The following COG6 variants were observed in gnomAD, a reference collection of about 807,000 sequenced individuals.
The protein encoded by COG6 is component of oligomeric golgi complex 6.
Under a neutral mutation model 88.8 loss-of-function variants are expected in COG6, and 74 were observed. The ratio of observed to expected loss-of-function variants is 0.83; its 90% CI spans 0.69 to 1.01. The LOEUF (loss-of-function observed/expected upper bound fraction) is 1.01. COG6 is among the 50% of genes least tolerant of loss of function. The pLI is 0.00. For missense variants in COG6, 800 were observed against 797.9 expected (o/e 1.00, Z -0.03); for synonymous variants, 286 against 278.7 (o/e 1.03, Z -0.26).
chr13:39,703,872 G>A (rs1877727025), intron 13 of COG6, among the ~76,000 whole-genome samples: 1 of 151,720 alleles, frequency 6.6e-6, no homozygotes, highest in African/African-American at 2.4e-5. Flanking sequence ...GACTATAGGT[G>A]CATGCCACCA....
intron 4 of COG6, among the ~76,000 whole-genome samples, chr13:39,674,247 A>G (rs1429914012): frequency 7.6e-6 from 1 of 130,794 alleles, no homozygotes; most frequent in Admixed American, 8.8e-5. Context: ...GTATCACACC[A>G]TTTAATTTAC....
At chr13:39,723,567 T>G in intron 16 of COG6, 127 bp downstream of exon 16, 1 of 675,690 alleles carries the variant, frequency 1.5e-6, no homozygotes. Flanking sequence ...AGTGACTTAT[T>G]TTTCTGTATC....
chr13:39,688,278 A>T (rs1876783042), intron 10 of COG6, among the ~76,000 whole-genome samples: 1 of 152,110 alleles, frequency 6.6e-6, no homozygotes, highest in Admixed American at 6.6e-5. Flanking sequence ...GACAATTATC[A>T]TATCTGTTAG....
At chr13:39,677,764 G>C (rs536157936) in intron 5 of COG6, among the ~76,000 whole-genome samples, 185 bp downstream of exon 5, 1 of 152,050 alleles carries the variant, frequency 6.6e-6, no homozygotes. Context: ...TTTTTAAAAA[G>C]AGTCAAAGTT....
chr13:39,673,797 A>C (rs1162722901), intron 4 of COG6, among the ~76,000 whole-genome samples: 1 of 151,884 alleles, frequency 6.6e-6, no homozygotes, highest in Non-Finnish European at 1.5e-5. Flanking sequence ...TTCCAGAGTG[A>C]GTATGTGTGT....
chr13:39,758,339 C>T (rs1880911581), intron 18 of COG6, among the ~76,000 whole-genome samples: 1 of 151,454 alleles, frequency 6.6e-6, no homozygotes, highest in Non-Finnish European at 1.5e-5. Flanking sequence ...AGAAACATAG[C>T]AAGACCCCAT....
intron 13 of COG6, among the ~76,000 whole-genome samples, chr13:39,717,409 T>C (rs1288437391): frequency 6.6e-6 from 1 of 152,182 alleles, no homozygotes; most frequent in Non-Finnish European, 1.5e-5. Flanking sequence ...CTTTTTTTCT[T>C]TGTTCTTTCC....
chr13:39,661,860 T>C (rs1168348262), intron 3 of COG6, among the ~76,000 whole-genome samples: 1 of 151,630 alleles, frequency 6.6e-6, no homozygotes, highest in African/African-American at 2.4e-5. Flanking sequence ...TTCCATGACG[T>C]AATGCCTTTT....
intron 8 of COG6, among the ~76,000 whole-genome samples, chr13:39,686,838 C>T (rs1459411764): frequency 2.0e-5 from 3 of 151,974 alleles, no homozygotes; most frequent in Non-Finnish European, 4.4e-5. Flanking sequence ...CAAGTGATCC[C>T]CCTACCTCAG....
intron 12 of COG6, among the ~76,000 whole-genome samples, chr13:39,698,397 T>C (rs1194310890): frequency 6.6e-6 from 1 of 152,014 alleles, no homozygotes; most frequent in Non-Finnish European, 1.5e-5. Flanking sequence ...ATACTTATTG[T>C]TTCTTTAAAA....
chr13:39,787,662 G>C (rs1881816651), intron 18 of COG6, among the ~76,000 whole-genome samples: 1 of 152,074 alleles, frequency 6.6e-6, no homozygotes, highest in Non-Finnish European at 1.5e-5. Flanking sequence ...CACACAATCA[G>C]TTCTCTATTT....
At chr13:39,656,861 GTTAT>G (rs1307993103) in intron 1 of COG6, 1 of 455,980 alleles carries the variant, frequency 2.2e-6, no homozygotes, top group East Asian at 7.0e-5. Flanking sequence ...TCTCATGGTT[GTTAT>G]TTGAGGACTC....
intron 18 of COG6, among the ~76,000 whole-genome samples, chr13:39,733,123 C>T (rs9548904): frequency 0.26 from 39,172 of 149,724 alleles, 5,099 homozygotes; most frequent in African/African-American, 0.27. Context: ...TTGAAATAAA[C>T]GAAAGTAGAG....
chr13:39,781,452 T>G (rs1301219976), intron 18 of COG6, among the ~76,000 whole-genome samples: 1 of 151,944 alleles, frequency 6.6e-6, no homozygotes, highest in East Asian at 1.9e-4. Flanking sequence ...TTTTTTTTTT[T>G]TTTTTAGTAT....
intron 18 of COG6, among the ~76,000 whole-genome samples, chr13:39,749,424 T>G (rs1880508299): frequency 6.6e-6 from 1 of 152,256 alleles, no homozygotes; most frequent in South Asian, 2.1e-4. Flanking sequence ...AAGTACATTT[T>G]GGAAATTGGG....
intron 13 of COG6, among the ~76,000 whole-genome samples, chr13:39,705,195 A>G (rs7337734): frequency 0.063 from 9,618 of 152,290 alleles, 392 homozygotes; most frequent in Non-Finnish European, 0.094. Flanking sequence ...AGTGAATAGT[A>G]TAATTGTTGG....
chr13:39,666,700 G>T (rs1045897122), intron 4 of COG6, among the ~76,000 whole-genome samples: 1 of 152,098 alleles, frequency 6.6e-6, no homozygotes, highest in African/African-American at 2.4e-5. Context: ...TGTGTAAAAG[G>T]ATATCATGGG....
rs770383485 is a variant in COG6 at position 39,677,491 on chromosome 13, A to T, written c.452A>T (p.Gln151Leu). ...SESQKLEIRA[Q>L]VADAFLSKFQ... is the part of the protein sequence containing the mutation. ...AGCCAAAAATTAGAGATAAGAGCTC[A>T]AGTTGCAGATGCCTTCTTATCCAAG... The change falls in exon 5 of 19, where the codon CAA (glutamine) becomes CTA (leucine). Residue 151 changes from glutamine to leucine, a missense_variant. Coordinates refer to ENST00000455146, the MANE Select transcript of COG6 (RefSeq NM_020751.3). 1 of 1,612,132 alleles carries T rather than the reference A, an allele frequency of 6.2e-7. No individual in the cohort carries two copies. The highest frequency in any genetic ancestry group is 1.7e-5 in the Admixed American group (1 of 59,958).
intron 15 of COG6, among the ~76,000 whole-genome samples, chr13:39,722,218 T>C (rs1352567381): frequency 6.6e-6 from 1 of 152,048 alleles, no homozygotes; most frequent in Non-Finnish European, 1.5e-5. Flanking sequence ...TTCACCTTCA[T>C]TGAGTGTTTA....
Sources: allele counts gnomAD v4.1 joint callset (sites outside exome capture counted in the v4.1 genomes callset), GRCh38; gene constraint gnomAD v4.1.1; transcripts MANE v1.5; gene names NCBI Gene and HGNC (gene_info 2026-07-23, HGNC 2026-07-21).